Variants in DGKB observed in about 807,000 individuals in gnomAD.
DGKB encodes the protein 90 kDa diacylglycerol kinase.
A neutral mutation model predicts 114.3 loss-of-function variants in DGKB; 67 were observed. The observed-to-expected ratio is 0.59, with a 90% CI of 0.48 to 0.72. The LOEUF is 0.72. Among genes scored for constraint, DGKB ranks in the 30% least tolerant of loss-of-function variants. The pLI is 0.00. For missense variants in DGKB, 907 were observed against 975.2 expected, an observed-to-expected ratio of 0.93 and a Z score of 0.93; for synonymous variants, 398 against 323.1, an observed-to-expected ratio of 1.23 and a Z score of -2.49.
intron 2 of DGKB, among the ~76,000 whole-genome samples, chr7:14,815,988 C>T (rs1246792541): frequency 2.6e-5 from 4 of 152,126 alleles, no homozygotes; most frequent in South Asian, 2.1e-4. Flanking sequence ...CTAGGCATTG[C>T]TATATTTTAT....
At chr7:14,560,907 C>G (rs2128669800) in intron 20 of DGKB, among the ~76,000 whole-genome samples, 1 of 152,208 alleles carries the variant, frequency 6.6e-6, no homozygotes, top group East Asian at 1.9e-4. Flanking sequence ...GAGATGATAT[C>G]TCGTTGTGCT....
chr7:14,759,048 C>T (rs908897611), intron 2 of DGKB, among the ~76,000 whole-genome samples: 1 of 152,178 alleles, frequency 6.6e-6, no homozygotes, highest in East Asian at 1.9e-4. Flanking sequence ...CCTCAGCCTC[C>T]CAAGTAGCTG....
chr7:14,717,467 C>T (rs975690055), intron 6 of DGKB, among the ~76,000 whole-genome samples: 1 of 151,890 alleles, frequency 6.6e-6, no homozygotes, highest in African/African-American at 2.4e-5. Flanking sequence ...TCTTGAAATG[C>T]AAATATTGAA....
At chr7:14,541,167 G>A (rs147610795) in intron 20 of DGKB, among the ~76,000 whole-genome samples, 4 of 151,892 alleles carry the variant, frequency 2.6e-5, no homozygotes, top group East Asian at 1.9e-4. Context: ...AAGATCTGTG[G>A]GATTCCTTCA....
At chr7:14,858,833 C>T (rs1290297678) in intron 1 of DGKB, among the ~76,000 whole-genome samples, 2 of 152,112 alleles carry the variant, frequency 1.3e-5, no homozygotes, top group African/African-American at 4.8e-5. Context: ...ATATTCTAAC[C>T]AAACATTTAT....
At chr7:14,425,137 T>C (rs1827310154) in intron 21 of DGKB, among the ~76,000 whole-genome samples, 4 of 152,146 alleles carry the variant, frequency 2.6e-5, no homozygotes, top group Admixed American at 2.6e-4. Context: ...GATTTTTTTC[T>C]TCTTTTATTT....
At chr7:14,964,694 T>A (rs970026351) in intron 1 of DGKB, among the ~76,000 whole-genome samples, 1 of 152,076 alleles carries the variant, frequency 6.6e-6, no homozygotes, top group African/African-American at 2.4e-5. Context: ...CAAGCTCTCA[T>A]TTTTAAGAGA....
intron 23 of DGKB, among the ~76,000 whole-genome samples, chr7:14,267,265 T>G (rs1019322803): frequency 2.6e-5 from 4 of 152,082 alleles, no homozygotes; most frequent in Non-Finnish European, 5.9e-5. Flanking sequence ...CCTGAGAAAC[T>G]GTGTAAGAAA....
intron 20 of DGKB, among the ~76,000 whole-genome samples, chr7:14,508,883 AT>A (rs1474175485): frequency 1.3e-5 from 2 of 152,142 alleles, no homozygotes; most frequent in African/African-American, 2.4e-5. Flanking sequence ...TTATATAAGC[AT>A]TTTCAGTTTA....
intron 20 of DGKB, among the ~76,000 whole-genome samples, chr7:14,539,112 A>T (rs1386847120): frequency 6.6e-6 from 1 of 152,140 alleles, no homozygotes; most frequent in Non-Finnish European, 1.5e-5. Context: ...CTCACACTTA[A>T]AAATTGATCA....
intron 23 of DGKB, among the ~76,000 whole-genome samples, chr7:14,266,957 CCTTAT>C (rs1306083167): frequency 1.3e-5 from 2 of 151,730 alleles, no homozygotes; most frequent in Admixed American, 6.6e-5. Flanking sequence ...CTAAACATTA[CCTTAT>C]ATTTTAAAGC....
chr7:14,822,310 G>GT (rs1845059961), intron 2 of DGKB, among the ~76,000 whole-genome samples: 1 of 152,106 alleles, frequency 6.6e-6, no homozygotes, highest in African/African-American at 2.4e-5. Flanking sequence ...TGAAAGTTAA[G>GT]TTTTAAAAGG....
intron 21 of DGKB, among the ~76,000 whole-genome samples, chr7:14,384,219 A>T (rs1005785025): frequency 6.6e-6 from 1 of 152,250 alleles, no homozygotes; most frequent in African/African-American, 2.4e-5. Context: ...GTTAGTTAAA[A>T]ATATATCAAA....
intron 21 of DGKB, among the ~76,000 whole-genome samples, chr7:14,468,192 G>A (rs1434639582): frequency 6.6e-6 from 1 of 152,044 alleles, no homozygotes; most frequent in African/African-American, 2.4e-5. Context: ...TCCAAATACA[G>A]ATCTATCGGC....
intron 3 of DGKB, among the ~76,000 whole-genome samples, chr7:14,754,601 T>G (rs1586242075): frequency 6.6e-6 from 1 of 152,058 alleles, no homozygotes; most frequent in South Asian, 2.1e-4. Flanking sequence ...TGTGGAATGC[T>G]AAACTGGTTT....
At chr7:14,656,591 C>A (rs1427422364) in intron 13 of DGKB, among the ~76,000 whole-genome samples, 1 of 151,432 alleles carries the variant, frequency 6.6e-6, no homozygotes, top group African/African-American at 2.4e-5. Flanking sequence ...TTCTTCTTAG[C>A]TGAACTTCCA....
chr7:14,222,963 G>C (rs1038179022), intron 23 of DGKB, among the ~76,000 whole-genome samples: 2 of 151,468 alleles, frequency 1.3e-5, no homozygotes, highest in African/African-American at 4.8e-5. Context: ...CAACTTTCTT[G>C]TGATTGCTGT....
chr7:14,653,216 T>C (rs1317909322), intron 13 of DGKB, among the ~76,000 whole-genome samples: 3 of 149,296 alleles, frequency 2.0e-5, no homozygotes, highest in Non-Finnish European at 4.4e-5. Flanking sequence ...GTATGTTTAT[T>C]GCGGCATTAT....
At chr7:14,400,227 G>A (rs1449703543) in intron 21 of DGKB, among the ~76,000 whole-genome samples, 4 of 151,780 alleles carry the variant, frequency 2.6e-5, no homozygotes, top group Non-Finnish European at 5.9e-5. Flanking sequence ...TGCATGTTCA[G>A]TAAATAGTCA....
Sources: allele counts gnomAD v4.1 joint callset (sites outside exome capture counted in the v4.1 genomes callset), GRCh38; gene constraint gnomAD v4.1.1; transcripts MANE v1.5; gene names NCBI Gene and HGNC (gene_info 2026-07-23, HGNC 2026-07-21).